The following BICC1 variants were observed in gnomAD, a reference collection of about 807,000 sequenced individuals.
BICC1 encodes BicC family RNA binding protein 1, also known as protein bicaudal C homolog 1.
Under a neutral mutation model 111.0 loss-of-function variants are expected in BICC1, and 43 were observed. The observed-to-expected ratio is 0.39, with a 90% CI of 0.30 to 0.50. The LOEUF is 0.50. Among genes scored for constraint, BICC1 ranks in the 20% least tolerant of loss-of-function variants. The pLI, the probability that BICC1 is intolerant of heterozygous loss-of-function variation, is 0.88. For synonymous variants in BICC1, 467 were observed against 434.4 expected, an observed-to-expected ratio of 1.07 and a Z score of -0.93; for missense variants, 1,091 against 1,203.2, an observed-to-expected ratio of 0.91 and a Z score of 1.38.
chr10:58,778,945 T>G (rs1842816352), intron 3 of BICC1, among the ~76,000 whole-genome samples: 1 of 152,220 alleles, frequency 6.6e-6, no homozygotes, highest in African/African-American at 2.4e-5. Flanking sequence ...GTGCACAGGC[T>G]TCTAGTCGTC....
chr10:58,594,461 A>G (rs1844744974), intron 1 of BICC1, among the ~76,000 whole-genome samples: 1 of 152,222 alleles, frequency 6.6e-6, no homozygotes. Context: ...AAAAATATTA[A>G]GGGCAGCCAG....
chr10:58,689,182 G>A (rs976181730), intron 2 of BICC1, among the ~76,000 whole-genome samples: 7 of 152,256 alleles, frequency 4.6e-5, no homozygotes, highest in South Asian at 2.1e-4. Flanking sequence ...CTGATGGTTG[G>A]TACTCCTTAT....
intron 1 of BICC1, among the ~76,000 whole-genome samples, chr10:58,520,850 C>A (rs1212960632): frequency 1.4e-5 from 2 of 142,996 alleles, no homozygotes; most frequent in Non-Finnish European, 3.0e-5. Flanking sequence ...GAATTTTTTT[C>A]CTGGTCTTTT....
intron 2 of BICC1, among the ~76,000 whole-genome samples, chr10:58,674,079 A>T (rs920680338): frequency 2.0e-5 from 3 of 152,224 alleles, no homozygotes; most frequent in Non-Finnish European, 2.9e-5. Context: ...ACATTTTAGA[A>T]TTAAGGAGAT....
At chr10:58,528,388 A>G (rs1265229724) in intron 1 of BICC1, among the ~76,000 whole-genome samples, 1 of 151,884 alleles carries the variant, frequency 6.6e-6, no homozygotes, top group Non-Finnish European at 1.5e-5. Flanking sequence ...TGTTAATTAT[A>G]TTTGTATCTA....
At chr10:58,774,486 T>C (rs1842698580) in intron 3 of BICC1, among the ~76,000 whole-genome samples, 1 of 152,176 alleles carries the variant, frequency 6.6e-6, no homozygotes, top group Non-Finnish European at 1.5e-5. Flanking sequence ...AAGATATGAG[T>C]ATTTTTTGTG....
chr10:58,672,696 G>A (rs1028487879), intron 2 of BICC1, among the ~76,000 whole-genome samples: 1 of 152,058 alleles, frequency 6.6e-6, no homozygotes, highest in Non-Finnish European at 1.5e-5. Flanking sequence ...TTCCCCGGTG[G>A]GAAATATAGT....
intron 3 of BICC1, among the ~76,000 whole-genome samples, chr10:58,743,579 C>G (rs1335754311): frequency 6.6e-6 from 1 of 151,558 alleles, no homozygotes; most frequent in Non-Finnish European, 1.5e-5. Context: ...AAGGAGACAG[C>G]AGCTGTGAAA....
chr10:58,534,985 A>G (rs1842789154), intron 1 of BICC1, among the ~76,000 whole-genome samples: 2 of 151,748 alleles, frequency 1.3e-5, no homozygotes, highest in Admixed American at 1.3e-4. Context: ...GATTAAGTAG[A>G]AGAAACAATT....
intron 1 of BICC1, among the ~76,000 whole-genome samples, chr10:58,544,879 C>T (rs1007151513): frequency 2.6e-5 from 4 of 151,990 alleles, no homozygotes; most frequent in African/African-American, 9.7e-5. Context: ...AGGTTGGGTT[C>T]TAATCTAATA....
chr10:58,624,654 C>T (rs764422220), intron 2 of BICC1, among the ~76,000 whole-genome samples: 7 of 152,142 alleles, frequency 4.6e-5, no homozygotes, highest in Admixed American at 3.9e-4. Flanking sequence ...AGTACACTGG[C>T]GTGATCTCAG....
chr10:58,574,403 T>C (rs1357139894), intron 1 of BICC1, among the ~76,000 whole-genome samples: 1 of 152,180 alleles, frequency 6.6e-6, no homozygotes, highest in Non-Finnish European at 1.5e-5. Flanking sequence ...GTTTGCTTTT[T>C]TCTGGGAAGT....
intron 3 of BICC1, among the ~76,000 whole-genome samples, chr10:58,714,934 G>A (rs1326763652): frequency 6.6e-6 from 1 of 151,746 alleles, no homozygotes; most frequent in Non-Finnish European, 1.5e-5. Context: ...AATTAGCCAG[G>A]CATGGTGGCA....
chr10:58,539,049 T>A (rs965735773), intron 1 of BICC1, among the ~76,000 whole-genome samples: 2 of 151,672 alleles, frequency 1.3e-5, no homozygotes, highest in East Asian at 3.9e-4. Flanking sequence ...CACTACTGAG[T>A]ATCTACCCAA....
intron 2 of BICC1, among the ~76,000 whole-genome samples, chr10:58,641,338 G>GT (rs1451825894): frequency 6.6e-6 from 1 of 152,178 alleles, no homozygotes; most frequent in Non-Finnish European, 1.5e-5. Context: ...TTGCATTGTG[G>GT]TTTTGCCGTC....
upstream of BICC1, among the ~76,000 whole-genome samples, chr10:58,512,635 G>C: frequency 6.6e-6 from 1 of 152,164 alleles, no homozygotes; most frequent in Non-Finnish European, 1.5e-5. Flanking sequence ...AGGAGTGTGT[G>C]TGTTTGAGGA....
chr10:58,716,212 A>C, intron 3 of BICC1: 1 of 1,506,898 alleles, frequency 6.6e-7, no homozygotes, highest in Non-Finnish European at 9.0e-7. Flanking sequence ...AGCAACAGAA[A>C]AAACAAAAAA....
intron 2 of BICC1, among the ~76,000 whole-genome samples, chr10:58,654,988 G>A (rs1838585544): frequency 6.8e-6 from 1 of 146,070 alleles, no homozygotes; most frequent in South Asian, 2.4e-4. Flanking sequence ...AGATCGGATA[G>A]TTGTAGATAT....
At chr10:58,793,669 G>T in intron 9 of BICC1, 54 bp downstream of exon 9, 1 of 1,570,280 alleles carries the variant, frequency 6.4e-7, no homozygotes. Context: ...ATGCTGTATA[G>T]TTTTATTTTG....
Sources: allele counts gnomAD v4.1 joint callset (sites outside exome capture counted in the v4.1 genomes callset), GRCh38; gene constraint gnomAD v4.1.1; transcripts MANE v1.5; gene names NCBI Gene and HGNC (gene_info 2026-07-23, HGNC 2026-07-21).